The following IWS1 variants were observed in gnomAD, a reference collection of about 807,000 sequenced individuals.
IWS1 encodes the protein protein IWS1 homolog.
A neutral mutation model predicts 86.7 loss-of-function variants in IWS1; 27 were observed. The ratio of observed to expected loss-of-function variants is 0.31; its 90% CI spans 0.23 to 0.43. The LOEUF (loss-of-function observed/expected upper bound fraction) is 0.43. Among genes scored for constraint, IWS1 ranks in the 20% least tolerant of loss-of-function variants. The pLI is 1.00. For missense variants in IWS1, 827 were observed against 1,000.8 expected, an observed-to-expected ratio of 0.83 and a Z score of 2.34; for synonymous variants, 313 against 335.1, an observed-to-expected ratio of 0.93 and a Z score of 0.72.
In IWS1 at chr2:127,486,674, G is replaced by C. The variant is rs1689947042; in HGVS notation, c.2217-10C>G. ...TCCAGGTCTAAGAGCCCTGAAAAAG[G>C]GAAGAGGAAGAGCATGCTTCTTATG... On this transcript the variant is annotated splice_polypyrimidine_tract_variant and intron_variant, in intron 12 of 13. Coordinates refer to ENST00000295321, the MANE Select transcript of IWS1 (RefSeq NM_017969.3). 2.5e-6 allele frequency: 4 copies of C among 1,602,956 alleles called. No homozygotes were observed. The African/African-American group carries it at 4.0e-5, about 16-fold the overall frequency.
chr2:127,492,375 A>C (rs1363183709), intron 9 of IWS1, among the ~76,000 whole-genome samples: 1 of 152,000 alleles, frequency 6.6e-6, no homozygotes, highest in East Asian at 1.9e-4. Flanking sequence ...GGTGAAACCC[A>C]TCTCTACTAA....
intron 2 of IWS1, among the ~76,000 whole-genome samples, chr2:127,513,890 T>C (rs1691613146): frequency 6.6e-6 from 1 of 152,186 alleles, no homozygotes; most frequent in African/African-American, 2.4e-5. Context: ...AGCCTGTATC[T>C]TTCAAATAAT....
At chr2:127,495,546 A>G (rs1427855468) in intron 7 of IWS1, among the ~76,000 whole-genome samples, 4 of 152,214 alleles carry the variant, frequency 2.6e-5, no homozygotes, top group African/African-American at 9.6e-5. Context: ...TGAACTCTCA[A>G]CAAGTGTCTC....
intron 2 of IWS1, among the ~76,000 whole-genome samples, chr2:127,521,272 C>T (rs13412858): frequency 1.3e-5 from 2 of 152,004 alleles, no homozygotes; most frequent in African/African-American, 4.8e-5. Context: ...TAGAAAGACA[C>T]AAAATATATA....
intron 13 of IWS1, among the ~76,000 whole-genome samples, chr2:127,483,475 C>CA (rs1340511271): frequency 6.8e-6 from 1 of 147,742 alleles, no homozygotes; most frequent in Non-Finnish European, 1.5e-5. Context: ...AAAAAAAAAG[C>CA]AAATTATATT....
At position 127,505,695 on chromosome 2, in the gene IWS1, C is replaced by T; in HGVS notation, c.208G>A (p.Glu70Lys). 6.2e-7 allele frequency: 1 copy of T among 1,612,700 alleles called. No homozygotes were observed. The highest frequency in any genetic ancestry group is 8.5e-7 in the Non-Finnish European group (1 of 1,179,704). ...TTAAGATTTAAGGGCTCATCGTTCT[C>T]AGAGTCTGTCACATGATGTCCTTTG... ...LPKGHHVTDS[E>K]NDEPLNLNAS... Residue 70 changes from glutamate (E) to lysine (K), a missense_variant, in exon 3 of 14, where the codon GAG becomes AAG. Physicochemically the swap from Glu to Lys is moderately conservative, Grantham distance 56. Coordinates refer to ENST00000295321, the MANE Select transcript of IWS1 (RefSeq NM_017969.3). This position sits in a 1 kb window ranked among gnomAD's most constrained non-coding sequence, Gnocchi z 5.0.
intron 8 of IWS1, among the ~76,000 whole-genome samples, chr2:127,493,960 TTAGA>T (rs1690374806): frequency 6.6e-6 from 1 of 152,062 alleles, no homozygotes; most frequent in Non-Finnish European, 1.5e-5. Flanking sequence ...GTTTCCCCTG[TTAGA>T]ATAGAGGGAG....
intron 2 of IWS1, among the ~76,000 whole-genome samples, chr2:127,507,224 TTACTAACCCAA>T (rs1302966291): frequency 1.3e-5 from 2 of 152,054 alleles, no homozygotes; most frequent in Admixed American, 1.3e-4. Context: ...ACCCAAACTT[TTACTAACCCAA>T]GTATGCTGTG....
At chr2:127,526,750 CCG>C, upstream of IWS1, 1 of 1,168,452 alleles carries the variant, frequency 8.6e-7, no homozygotes, top group Non-Finnish European at 1.2e-6. Flanking sequence ...AGATACTCTT[CCG>C]AAAAATGAAG....
At chr2:127,485,306 A>G (rs556430793) in intron 13 of IWS1, among the ~76,000 whole-genome samples, 114 of 152,314 alleles carry the variant, frequency 7.5e-4, no homozygotes, top group African/African-American at 2.7e-3. Flanking sequence ...CAACACACAC[A>G]CACTGTGTGT....
At chr2:127,519,295 G>A (rs1691955856) in intron 2 of IWS1, among the ~76,000 whole-genome samples, 1 of 152,116 alleles carries the variant, frequency 6.6e-6, no homozygotes, top group African/African-American at 2.4e-5. Flanking sequence ...TCTGATATGA[G>A]ACTTGTTCTG....
chr2:127,503,701 TAAA>T (rs1690939668), intron 3 of IWS1, 125 bp from the exon 4 acceptor site: 2 of 326,110 alleles, frequency 6.1e-6, no homozygotes, highest in East Asian at 6.4e-5. Context: ...AATAAATAAA[TAAA>T]TAAAATAAAA....
intron 5 of IWS1, among the ~76,000 whole-genome samples, chr2:127,502,075 A>G (rs1006598660): frequency 1.3e-5 from 2 of 152,112 alleles, no homozygotes; most frequent in African/African-American, 2.4e-5. Flanking sequence ...ATTTTTGTGT[A>G]TAATAAGTAC....
chr2:127,502,278 C>T (rs1234044356), intron 5 of IWS1, among the ~76,000 whole-genome samples: 4 of 152,166 alleles, frequency 2.6e-5, no homozygotes, highest in African/African-American at 9.7e-5. Context: ...AGGCCCCGAA[C>T]TCTAAATTTT....
In IWS1 at chr2:127,486,765, G is replaced by A; in HGVS notation, c.2217-101C>T. On this transcript the variant is annotated intron_variant, in intron 12 of 13. Coordinates refer to ENST00000295321, the MANE Select transcript of IWS1 (RefSeq NM_017969.3). ...TGTTCCTACATCCACCCATTAAGCTGCAATGTTCGAAACTCCTCTACTCCC... is the reference window on the plus strand; with the variant it reads ...TGTTCCTACATCCACCCATTAAGCTACAATGTTCGAAACTCCTCTACTCCC... 4.4e-6 allele frequency: 4 copies of A among 902,786 alleles called. 1 individual carries two copies. The highest frequency in any genetic ancestry group is 4.1e-5 in the Admixed American group (2 of 49,302). The allele number at this position is 902,786 out of a possible 1,614,324, so 55.9% of individuals were successfully genotyped here.
At chr2:127,495,246 C>T (rs1017982680) in intron 7 of IWS1, among the ~76,000 whole-genome samples, 2 of 151,988 alleles carry the variant, frequency 1.3e-5, no homozygotes, top group African/African-American at 4.8e-5. Context: ...ATTAAAGGTA[C>T]AAATTAAAAC....
chr2:127,487,382 A>T (rs1306980085), intron 12 of IWS1, among the ~76,000 whole-genome samples: 2 of 152,208 alleles, frequency 1.3e-5, no homozygotes, highest in African/African-American at 4.8e-5. Flanking sequence ...ACCATGCTAG[A>T]CTAAAATAAG....
At chr2:127,514,326 G>A (rs1171751044) in intron 2 of IWS1, 1 of 154,316 alleles carries the variant, frequency 6.5e-6, no homozygotes, top group African/African-American at 2.4e-5. Context: ...AAAGCACTTG[G>A]GACCCGCCAA....
chr2:127,503,617 A>T, intron 3 of IWS1, 41 bp from the exon 4 acceptor site: 1 of 1,498,540 alleles, frequency 6.7e-7, no homozygotes, highest in Non-Finnish European at 9.0e-7. Flanking sequence ...ATTTTATCAC[A>T]GCCATTGTAT....
Sources: gnomAD v4.1 joint callset for allele counts (sites outside exome capture counted in the v4.1 genomes callset) on GRCh38, gnomAD v4.1.1 for gene constraint, Gnocchi (gnomAD v3.1) non-coding constraint, MANE v1.5 for transcripts, NCBI Gene and HGNC (gene_info 2026-07-23, HGNC 2026-07-21) for gene names.